SLC1A7: variants seen among roughly 807,000 people sequenced by gnomAD.
SLC1A7 encodes solute carrier family 1 member 7.
SLC1A7 carries 40 observed loss-of-function variants against 47.7 expected under a neutral mutation model. That is an observed-to-expected ratio of 0.84 (90% CI 0.65 to 1.09). The LOEUF is 1.09. Among genes scored for constraint, SLC1A7 ranks in the 50% least tolerant of loss-of-function variants. SLC1A7 has a pLI of 0.00. For synonymous variants in SLC1A7, 323 were observed against 325.6 expected, an observed-to-expected ratio of 0.99 and a Z score of 0.09; for missense variants, 746 against 769.5, an observed-to-expected ratio of 0.97 and a Z score of 0.36.
chr1:53,124,419 C>T (rs78461809), intron 2 of SLC1A7, among the ~76,000 whole-genome samples: 20 of 152,184 alleles, frequency 1.3e-4, no homozygotes, highest in African/African-American at 3.4e-4. Flanking sequence ...CCCTGAAGGA[C>T]GCCTGGTTTA....
chr1:53,125,212 T>C (rs1644869483), intron 2 of SLC1A7, among the ~76,000 whole-genome samples: 1 of 152,214 alleles, frequency 6.6e-6, no homozygotes, highest in Non-Finnish European at 1.5e-5. Flanking sequence ...CCTATACTAA[T>C]GTAATGTGAG....
At chr1:53,091,748 C>G (rs1197961953) in intron 7 of SLC1A7, among the ~76,000 whole-genome samples, 1 of 152,156 alleles carries the variant, frequency 6.6e-6, no homozygotes, top group Admixed American at 6.5e-5. Context: ...AAGAGTGAGG[C>G]CTTCAGTGCC....
chr1:53,116,430 T>C (rs1644762173), intron 2 of SLC1A7, among the ~76,000 whole-genome samples: 1 of 152,306 alleles, frequency 6.6e-6, no homozygotes, highest in East Asian at 1.9e-4. Flanking sequence ...CGCAGTTTGG[T>C]AGCAGACTGC....
intron 2 of SLC1A7, 70 bp downstream of exon 2, chr1:53,134,280 G>T: frequency 9.0e-7 from 1 of 1,114,460 alleles, no homozygotes; most frequent in Non-Finnish European, 1.3e-6. Context: ...CACAGCAGGA[G>T]CAGGGCAGCA....
intron 3 of SLC1A7, 71 bp from the exon 4 acceptor site, chr1:53,105,845 G>A (rs1290043157): frequency 7.1e-6 from 9 of 1,274,932 alleles, no homozygotes; most frequent in Non-Finnish European, 9.1e-6. Context: ...TGTGGCCTTG[G>A]GGTCATCTGG....
chr1:53,134,146 T>G (rs1296832270), intron 2 of SLC1A7, among the ~76,000 whole-genome samples: 1 of 152,148 alleles, frequency 6.6e-6, no homozygotes, highest in African/African-American at 2.4e-5. Flanking sequence ...CCACTAAAAA[T>G]TCTACTGGAT....
At chr1:53,093,949 C>A (rs924142523) in intron 5 of SLC1A7, among the ~76,000 whole-genome samples, 2 of 152,160 alleles carry the variant, frequency 1.3e-5, no homozygotes, top group Middle Eastern at 3.2e-3. Flanking sequence ...CCTGGCACCA[C>A]TGGCCTTCTT....
At chr1:53,125,727 T>C (rs994698048) in intron 2 of SLC1A7, among the ~76,000 whole-genome samples, 1 of 152,208 alleles carries the variant, frequency 6.6e-6, no homozygotes, top group African/African-American at 2.4e-5. Flanking sequence ...GTTGTGCACC[T>C]GCAAGGGGCA....
chr1:53,099,666 C>T (rs1008112803), intron 5 of SLC1A7, among the ~76,000 whole-genome samples: 2 of 150,476 alleles, frequency 1.3e-5, no homozygotes, highest in African/African-American at 4.9e-5. Flanking sequence ...ACTCACACAC[C>T]TTGCCTCAGT....
At chr1:53,092,886 G>A in intron 6 of SLC1A7, 99 bp from the exon 7 acceptor site, 1 of 746,292 alleles carries the variant, frequency 1.3e-6, no homozygotes, top group Non-Finnish European at 2.3e-6. Flanking sequence ...GAGCTTCCTG[G>A]GGCTCCTGCG....
chr1:53,129,651 C>T (rs1395212510), intron 2 of SLC1A7, among the ~76,000 whole-genome samples: 2 of 141,438 alleles, frequency 1.4e-5, no homozygotes, highest in African/African-American at 5.2e-5. Context: ...CCACTGCCCT[C>T]CCACTGGGCC....
intron 4 of SLC1A7, 60 bp from the exon 5 acceptor site, chr1:53,103,628 C>T (rs934827245): frequency 1.8e-5 from 18 of 995,778 alleles, no homozygotes; most frequent in African/African-American, 3.2e-5. Flanking sequence ...CTAATATTAA[C>T]GACAACAATA....
intron 4 of SLC1A7, among the ~76,000 whole-genome samples, chr1:53,104,129 C>T (rs1169165087): frequency 6.6e-6 from 1 of 152,108 alleles, no homozygotes; most frequent in Non-Finnish European, 1.5e-5. Context: ...TACTGGGAGC[C>T]CAAAAAGGGA....
Position 53,090,743 on chromosome 1 carries a change from G to T in SLC1A7, c.1095C>A (p.Ile365=). 6.2e-7 allele frequency: 1 copy of T among 1,613,794 alleles called. No individual in the cohort carries two copies. ...CACCCACGGGCAGCACGAAGCGAGC[G>T]ATGCGCCGGTCGATGTGGTTGTTCT... ...LLENNHIDRR[I]ARFVLPVGAT... Residue 365 remains isoleucine (I), a synonymous_variant, in exon 8 of 11, where the codon ATC becomes ATA. Coordinates refer to ENST00000371494, the MANE Select transcript of SLC1A7 (RefSeq NM_006671.6).
rs777928881 is a variant in SLC1A7 at position 53,088,218 on chromosome 1, G to A, written c.1474C>T (p.Pro492Ser). The A allele has an allele frequency of 5.0e-6, 8 of 1,607,434 alleles. No homozygotes were observed. Among genetic ancestry groups the A allele is most frequent in the South Asian group, 4.5e-5 (4 of 89,802 alleles). The change falls in exon 11 of 11, where the codon CCC (proline) becomes TCC (serine). Residue 492 changes from proline to serine, a missense_variant. Coordinates refer to ENST00000371494, the MANE Select transcript of SLC1A7 (RefSeq NM_006671.6). ...AGGCTCACTGGCTTGGTCTCGCAGG[G>A]CAGCAGTTTCTGGTGAAGGGAAACA... ...ARDTGTEKLL[P>S]CETKPVSLQE...
At chr1:53,089,013 A>G in intron 9 of SLC1A7, 34 bp from the exon 10 acceptor site, 1 of 1,544,576 alleles carries the variant, frequency 6.5e-7, no homozygotes, top group Non-Finnish European at 9.0e-7. Context: ...AGTGGTGGGC[A>G]CTTGAAGGGG....
Position 53,114,856 on chromosome 1 carries a change from G to T in SLC1A7, c.333C>A (p.Val111=). 2 of 1,614,188 alleles carry T rather than the reference G, an allele frequency of 1.2e-6. No individual in the cohort carries two copies. Among genetic ancestry groups the T allele is most frequent in the South Asian group, 2.2e-5 (2 of 91,082 alleles). The part of the protein sequence containing the change: ...FMAVIVGIFM[V]SIIHPGSAAQ... ...CCGCGCTGCCTGGGTGGATGATGGA[G>T]ACCATGAAGATGCCCACGATGACAG... The change falls in exon 3 of 11, where the codon GTC becomes GTA. Residue 111 remains valine, a synonymous_variant. Transcript: ENST00000371494.
rs1483762040 is a variant in SLC1A7 at position 53,114,957 on chromosome 1, C to CA, written c.231dup (p.Ala78CysfsTer9). The CA allele has an allele frequency of 4.3e-6, 7 of 1,613,540 alleles. No individual in the cohort carries two copies. The Admixed American group carries it at 1.2e-4, about 27-fold the overall frequency. On this transcript the variant is annotated frameshift_variant, in exon 3 of 11. Coordinates refer to ENST00000371494, the MANE Select transcript of SLC1A7 (RefSeq NM_006671.6). LOFTEE classifies it high-confidence loss of function. ...CTAGAGGTCTTGGCATCCAGGGAGG[C>CA]AAGTCCGGACATCAAGCTGGGAGGG...
At chr1:53,131,802 A>G (rs2150344140) in intron 2 of SLC1A7, among the ~76,000 whole-genome samples, 1 of 152,378 alleles carries the variant, frequency 6.6e-6, no homozygotes, top group African/African-American at 2.4e-5. Context: ...CTTACAGCCC[A>G]GTGGATAAAG....
Sources: gnomAD v4.1 joint callset for allele counts (sites outside exome capture counted in the v4.1 genomes callset) on GRCh38, gnomAD v4.1.1 for gene constraint, MANE v1.5 for transcripts, NCBI Gene and HGNC (gene_info 2026-07-23, HGNC 2026-07-21) for gene names.